Variants in DPP6 observed in about 807,000 individuals in gnomAD.
The protein encoded by DPP6 is A-type potassium channel modulatory protein DPP6.
A neutral mutation model predicts 122.6 loss-of-function variants in DPP6; 69 were observed. The observed-to-expected ratio is 0.56, with a 90% confidence interval of 0.46 to 0.69. DPP6 has a LOEUF of 0.69. Among genes scored for constraint, DPP6 ranks in the 30% least tolerant of loss-of-function variants. The pLI is 0.00. For synonymous variants in DPP6, 418 were observed against 433.1 expected (o/e 0.97, Z 0.43); for missense variants, 928 against 1,116.9 (o/e 0.83, Z 2.41).
intron 1 of DPP6, among the ~76,000 whole-genome samples, chr7:154,061,539 C>G (rs1298249138): frequency 6.8e-6 from 1 of 146,882 alleles, no homozygotes; most frequent in Non-Finnish European, 1.5e-5. Flanking sequence ...TGGGCAAAAC[C>G]TGAACATAAA....
At chr7:154,678,666 G>A (rs10247861) in intron 7 of DPP6, among the ~76,000 whole-genome samples, 16,164 of 152,240 alleles carry the variant, frequency 0.11, 932 homozygotes, top group East Asian at 0.15. Flanking sequence ...CAATTCCGGA[G>A]AAACTTGTTT....
At chr7:154,493,025 G>C (rs962592769) in intron 3 of DPP6, among the ~76,000 whole-genome samples, 2 of 152,142 alleles carry the variant, frequency 1.3e-5, no homozygotes, top group African/African-American at 2.4e-5. Context: ...GGTTAAACTC[G>C]AGATTCCTTT....
intron 1 of DPP6, among the ~76,000 whole-genome samples, chr7:153,972,312 T>C (rs1195624067): frequency 2.0e-5 from 3 of 150,992 alleles, no homozygotes; most frequent in African/African-American, 7.3e-5. Context: ...CTGGGGAGTG[T>C]CTAGGAAAAC....
intron 1 of DPP6, among the ~76,000 whole-genome samples, chr7:153,896,152 A>G (rs1210596133): frequency 6.6e-6 from 1 of 152,212 alleles, no homozygotes; most frequent in Non-Finnish European, 1.5e-5. Flanking sequence ...TAATGCCCCT[A>G]TTAAGCCACA....
chr7:154,730,690 A>G (rs1586974395), intron 8 of DPP6, among the ~76,000 whole-genome samples: 1 of 152,210 alleles, frequency 6.6e-6, no homozygotes, highest in East Asian at 1.9e-4. Context: ...AAAATTCAAG[A>G]GAGATCAGTG....
intron 1 of DPP6, among the ~76,000 whole-genome samples, chr7:154,081,192 C>A (rs962350095): frequency 4.6e-5 from 7 of 151,598 alleles, no homozygotes; most frequent in African/African-American, 1.7e-4. Context: ...GGGCAGAGAG[C>A]AGGATGGAGT....
intron 1 of DPP6, among the ~76,000 whole-genome samples, chr7:154,376,318 C>T (rs917558364): frequency 6.6e-6 from 1 of 152,294 alleles, no homozygotes; most frequent in Admixed American, 6.5e-5. Context: ...TTAAAAAATA[C>T]TTTTAGCAGG....
At chr7:154,703,618 CAAAA>C (rs56393329) in intron 7 of DPP6, among the ~76,000 whole-genome samples, 8 of 117,436 alleles carry the variant, frequency 6.8e-5, no homozygotes, top group Non-Finnish European at 9.3e-5. Context: ...CACTCTGTCT[CAAAA>C]AAAAAAAAAA....
At chr7:154,666,369 TAAATTGAC>T (rs1374632030) in intron 6 of DPP6, among the ~76,000 whole-genome samples, 1 of 151,926 alleles carries the variant, frequency 6.6e-6, no homozygotes, top group African/African-American at 2.4e-5. Context: ...GGGGGTTTTA[TAAATTGAC>T]AAATGATAAT....
intron 1 of DPP6, among the ~76,000 whole-genome samples, chr7:153,922,405 AGGAGGATCACCTGAG>A (rs770788908): frequency 0.013 from 1,911 of 152,172 alleles, 32 homozygotes; most frequent in African/African-American, 0.042. Flanking sequence ...AGGCTAAGGT[AGGAGGATCACCTGAG>A]CCTGGGAGGT....
chr7:154,868,285 CA>C (rs1291463006), intron 18 of DPP6, among the ~76,000 whole-genome samples, 192 bp downstream of exon 18: 1 of 151,932 alleles, frequency 6.6e-6, no homozygotes, highest in Admixed American at 6.6e-5. Flanking sequence ...GTGACAAAAC[CA>C]AAAAAAGCAG....
chr7:154,753,193 G>C (rs948571435), intron 8 of DPP6, among the ~76,000 whole-genome samples: 1 of 152,136 alleles, frequency 6.6e-6, no homozygotes, highest in Non-Finnish European at 1.5e-5. Flanking sequence ...GTGCTAAATT[G>C]TCAGGTTGCA....
chr7:154,556,928 T>A (rs141548402), intron 4 of DPP6, among the ~76,000 whole-genome samples: 1 of 8,566 alleles, frequency 1.2e-4, no homozygotes, highest in African/African-American at 1.9e-4. Context: ...GTGTTAGATG[T>A]TTTTTTGCAT....
At chr7:154,514,565 C>T (rs1243910314) in intron 3 of DPP6, among the ~76,000 whole-genome samples, 1 of 152,170 alleles carries the variant, frequency 6.6e-6, no homozygotes, top group Non-Finnish European at 1.5e-5. Flanking sequence ...CCAGCCCCTG[C>T]ACCCACCATT....
rs757345756 is a variant in DPP6, at chr7:154,694,536, C to T, written c.762+25095C>T. 5.9e-5 allele frequency among the ~76,000 whole-genome samples: 9 copies of T among 151,974 alleles called. No individual in the cohort carries two copies. The South Asian group carries it at 6.2e-4, about 11-fold the overall frequency. ...CTGAGGCAGGAGAATCGCTTGAACC[C>T]GGGAGGCAGAGGTTGCAGTGAGCTG... On this transcript the variant is annotated intron_variant, in intron 7 of 25. Transcript: ENST00000377770.
At chr7:154,109,066 G>T (rs574664357) in intron 1 of DPP6, among the ~76,000 whole-genome samples, 3 of 152,238 alleles carry the variant, frequency 2.0e-5, no homozygotes, top group Non-Finnish European at 4.4e-5. Flanking sequence ...ACAGGAAAAC[G>T]TCTAGAGCTT....
intron 21 of DPP6, chr7:154,885,043 G>A (rs4960641): frequency 0.039 from 5,914 of 152,790 alleles, 148 homozygotes; most frequent in East Asian, 0.061. Context: ...TGAAGGCACT[G>A]AGCAGGCAAG....
intron 1 of DPP6, among the ~76,000 whole-genome samples, chr7:154,151,401 G>A (rs145009631): frequency 0.012 from 1,865 of 152,240 alleles, 41 homozygotes; most frequent in African/African-American, 0.042. Flanking sequence ...CTGCATTCCT[G>A]TGCTTGTAAG....
At chr7:154,168,898 G>T (rs974645188) in intron 1 of DPP6, among the ~76,000 whole-genome samples, 5 of 152,198 alleles carry the variant, frequency 3.3e-5, no homozygotes. Context: ...TTAGATAAGA[G>T]AATTAATGTT....
Sources: gnomAD v4.1 joint callset for allele counts (sites outside exome capture counted in the v4.1 genomes callset) on GRCh38, gnomAD v4.1.1 for gene constraint, MANE v1.5 for transcripts, NCBI Gene and HGNC (gene_info 2026-07-23, HGNC 2026-07-21) for gene names.